ANKRD55: variants seen among roughly 807,000 people sequenced by gnomAD.
ANKRD55 encodes the protein ankyrin repeat domain 55.
In ANKRD55, 41 loss-of-function variants were observed where a neutral mutation model predicts 60.6. That is an observed-to-expected ratio of 0.68 (90% CI 0.53 to 0.88). The LOEUF (loss-of-function observed/expected upper bound fraction) is 0.88, where lower values mean the gene tolerates loss of function less well. ANKRD55 is among the 40% of genes least tolerant of loss of function. ANKRD55 has a pLI of 0.00. For synonymous variants in ANKRD55, 264 were observed against 290.3 expected, an observed-to-expected ratio of 0.91 and a Z score of 0.92; for missense variants, 732 against 767.6, an observed-to-expected ratio of 0.95 and a Z score of 0.55.
At chr5:56,118,894 A>G (rs1477414179) in intron 8 of ANKRD55, among the ~76,000 whole-genome samples, 2 of 152,124 alleles carry the variant, frequency 1.3e-5, no homozygotes, top group African/African-American at 4.8e-5. Flanking sequence ...AAACCAAAAA[A>G]CCCAAAGAGA....
Position 56,100,005 on chromosome 5 carries a change from C to A in ANKRD55, c.*178G>T, listed in dbSNP as rs1005110928. ...GACTTAATATGCACACCCAAATATT[C>A]TAAGTGCTTATTTAGGGAGTATCTT... On this transcript the variant is annotated 3_prime_UTR_variant, in exon 12 of 12. Coordinates refer to ENST00000341048, the MANE Select transcript of ANKRD55 (RefSeq NM_024669.3). 1.3e-5 allele frequency: 10 copies of A among 789,500 alleles called. No homozygotes were observed. Among genetic ancestry groups the A allele is most frequent in the Admixed American group, 2.7e-5 (1 of 37,562 alleles). The allele number at this position is 789,500 out of a possible 1,614,324, so 48.9% of individuals were successfully genotyped here.
intron 5 of ANKRD55, among the ~76,000 whole-genome samples, chr5:56,165,177 T>C (rs1758418218): frequency 6.6e-6 from 1 of 152,232 alleles, no homozygotes. Flanking sequence ...CTATGTGGCC[T>C]GTACATACTG....
In ANKRD55 at chr5:56,157,412, C is replaced by T. The variant is rs1758221135; in HGVS notation, c.483+2421G>A. ...GACCTGACCGTCCACCAGCCCGACA[C>T]ATGTAAAGGGTCTGTGCTGAGGAGG... On this transcript the variant is annotated intron_variant, in intron 6 of 11. Transcript: ENST00000341048. 2.0e-5 allele frequency among the ~76,000 whole-genome samples: 3 copies of T among 152,172 alleles called. No individual in the cohort carries two copies. The South Asian group carries it at 6.2e-4, about 32-fold the overall frequency.
intron 2 of ANKRD55, among the ~76,000 whole-genome samples, chr5:56,184,440 C>A (rs1758922647): frequency 6.6e-6 from 1 of 152,226 alleles, no homozygotes; most frequent in South Asian, 2.1e-4. Flanking sequence ...AGCCCTGCGT[C>A]ATCTCTGCAA....
intron 6 of ANKRD55, among the ~76,000 whole-genome samples, chr5:56,147,047 C>G (rs1393647083): frequency 6.6e-6 from 1 of 152,196 alleles, no homozygotes; most frequent in Non-Finnish European, 1.5e-5. Flanking sequence ...CAAAACCCAA[C>G]TCTTGCATAG....
intron 9 of ANKRD55, among the ~76,000 whole-genome samples, chr5:56,115,106 G>A (rs1463540171): frequency 6.6e-6 from 1 of 151,878 alleles, no homozygotes; most frequent in Admixed American, 6.6e-5. Context: ...AGGTTGAGGT[G>A]AGGGGATCGT....
rs201026805 is a variant in ANKRD55 at position 56,189,310 on chromosome 5, CAA to C, written c.59-5678_59-5677del. Among the ~76,000 whole-genome samples the C allele has an allele frequency of 2.1e-3, 192 of 89,650 alleles. 1 individual carries two copies. The highest frequency in any genetic ancestry group is 2.6e-3 in the Non-Finnish European group (114 of 44,404). The allele number at this position is 89,650 out of a possible 152,430, so 58.8% of individuals were successfully genotyped here. On this transcript the variant is annotated intron_variant, in intron 2 of 11. Transcript: ENST00000341048. The stretch of plus-strand genomic sequence containing the variant: ...TGGGCAACAGAGCGAGACTCTGTCT[CAA>C]AAAAAAAAAAAAAAAATGTGGTAAA...
intron 8 of ANKRD55, among the ~76,000 whole-genome samples, chr5:56,122,298 C>T (rs1224275826): frequency 3.3e-5 from 5 of 152,086 alleles, no homozygotes; most frequent in Admixed American, 6.6e-5. Flanking sequence ...TCAGGTCATC[C>T]TGGAAAATAC....
At chr5:56,145,147 A>G (rs1468189497) in intron 6 of ANKRD55, among the ~76,000 whole-genome samples, 1 of 152,190 alleles carries the variant, frequency 6.6e-6, no homozygotes, top group Admixed American at 6.5e-5. Flanking sequence ...GAGTTCTTTT[A>G]TCTATTGTCT....
rs769971952 is a variant in ANKRD55, at chr5:56,111,430, T to C, written c.1318A>G (p.Ile440Val). The stretch of plus-strand genomic sequence containing the variant: ...GTTAGGAAGTTATTGCCCAGGGTGA[T>C]GGGTGGGAGACTCTGCGTTCTGATT... The part of the protein sequence containing the change: ...PPIRTQSLPP[I>V]TLGNNFLTAS... The change falls in exon 10 of 12, where the codon ATC (isoleucine) becomes GTC (valine). Residue 440 changes from isoleucine to valine, a missense_variant. Physicochemically the swap from Ile to Val is conservative, Grantham distance 29. Coordinates refer to ENST00000341048, the MANE Select transcript of ANKRD55 (RefSeq NM_024669.3). The C allele has an allele frequency of 3.2e-5, 51 of 1,614,140 alleles. No homozygotes were observed. In the Middle Eastern group the frequency reaches 6.6e-4, roughly 21 times the overall value.
At chr5:56,131,291 A>G (rs1267840633) in intron 7 of ANKRD55, among the ~76,000 whole-genome samples, 1 of 152,246 alleles carries the variant, frequency 6.6e-6, no homozygotes, top group Non-Finnish European at 1.5e-5. Flanking sequence ...AGAGGAGCAA[A>G]GAGAAGGATT....
At chr5:56,188,909 A>G (rs1167155899) in intron 2 of ANKRD55, among the ~76,000 whole-genome samples, 1 of 152,190 alleles carries the variant, frequency 6.6e-6, no homozygotes, top group East Asian at 1.9e-4. Flanking sequence ...GTTGTAATAA[A>G]TTAGTAGGAA....
At chr5:56,137,114 G>C in intron 7 of ANKRD55, 2 of 1,195,282 alleles carry the variant, frequency 1.7e-6, no homozygotes, top group Non-Finnish European at 2.5e-6. Context: ...AAGCCACAAA[G>C]TATCTGAAAG....
chr5:56,156,307 C>A (rs2111785612), intron 6 of ANKRD55, among the ~76,000 whole-genome samples: 1 of 152,282 alleles, frequency 6.6e-6, no homozygotes, highest in African/African-American at 2.4e-5. Flanking sequence ...GGTGTAATAG[C>A]AGGAGGAATC....
rs1759158309 is a variant in ANKRD55, at chr5:56,193,475, A to G, written c.59-9841T>C. The G allele has an allele frequency of 8.1e-6, 4 of 491,048 alleles. No homozygotes were observed. The South Asian group carries it at 9.0e-5, about 11-fold the overall frequency. 30.4% of individuals were successfully genotyped at this position (491,048 alleles called of 1,614,324 possible). A position where few individuals can be genotyped will look rare whatever the true frequency, so the allele number is the denominator to read the frequency against. ...TCCGATCTTGCAGTTTCTTTTCACTATGTTGATTTTACAACTGTGTATGTG... is the reference window on the plus strand; with the variant it reads ...TCCGATCTTGCAGTTTCTTTTCACTGTGTTGATTTTACAACTGTGTATGTG... On this transcript the variant is annotated intron_variant, in intron 2 of 11. Coordinates refer to ENST00000341048, the MANE Select transcript of ANKRD55 (RefSeq NM_024669.3).
At chr5:56,180,006 A>C (rs766764065) in intron 3 of ANKRD55, among the ~76,000 whole-genome samples, 2 of 152,092 alleles carry the variant, frequency 1.3e-5, no homozygotes, top group Non-Finnish European at 2.9e-5. Context: ...GAAGAATTTT[A>C]TTTCTTTCAG....
At chr5:56,120,775 T>A (rs1483783427) in intron 8 of ANKRD55, among the ~76,000 whole-genome samples, 1 of 152,020 alleles carries the variant, frequency 6.6e-6, no homozygotes, top group Non-Finnish European at 1.5e-5. Context: ...GGCACATGCC[T>A]GTAATCCCAG....
intron 2 of ANKRD55, among the ~76,000 whole-genome samples, chr5:56,198,809 G>A (rs1759286329): frequency 6.6e-6 from 1 of 152,112 alleles, no homozygotes; most frequent in South Asian, 2.1e-4. Context: ...CTGGGCAGCG[G>A]TGGCTCACAC....
intron 6 of ANKRD55, among the ~76,000 whole-genome samples, chr5:56,147,114 G>A (rs376069996): frequency 1.7e-4 from 26 of 152,142 alleles, no homozygotes; most frequent in African/African-American, 5.6e-4. Context: ...CCTACTTGGT[G>A]CCAAGAGCTT....
Sources: gnomAD v4.1 joint callset for allele counts (sites outside exome capture counted in the v4.1 genomes callset) on GRCh38, gnomAD v4.1.1 for gene constraint, MANE v1.5 for transcripts, NCBI Gene and HGNC (gene_info 2026-07-23, HGNC 2026-07-21) for gene names.